The following NELL2 variants were observed in gnomAD, a reference collection of about 807,000 sequenced individuals.
NELL2 encodes neural EGFL like 2, also known as protein kinase C-binding protein NELL2.
NELL2 carries 41 observed loss-of-function variants against 109.6 expected under a neutral mutation model. The observed-to-expected ratio is 0.37, with a 90% CI of 0.29 to 0.49. NELL2 has a LOEUF of 0.49. Among genes scored for constraint, NELL2 ranks in the 20% least tolerant of loss-of-function variants. NELL2 has a pLI of 0.98. For synonymous variants in NELL2, 355 were observed against 344.7 expected (o/e 1.03, Z -0.33); for missense variants, 900 against 1,008.3 (o/e 0.89, Z 1.45).
intron 9 of NELL2, among the ~76,000 whole-genome samples, chr12:44,763,625 C>T (rs1166459332): frequency 3.3e-5 from 5 of 152,168 alleles, no homozygotes; most frequent in Non-Finnish European, 5.9e-5. Context: ...CCAGGGCCAT[C>T]TGCAAACACT....
At chr12:44,581,663 A>G in intron 15 of NELL2, among the ~76,000 whole-genome samples, 1 of 44,574 alleles carries the variant, frequency 2.2e-5, no homozygotes, top group African/African-American at 1.5e-4. Flanking sequence ...GAAAAAATTC[A>G]GTTTGTTTTG....
upstream of NELL2, chr12:44,881,099 C>A (rs1292276944): frequency 2.0e-5 from 3 of 151,946 alleles, no homozygotes; most frequent in African/African-American, 7.3e-5. Context: ...AAGTCAAAAT[C>A]TTCTGTCTAA....
intron 15 of NELL2, among the ~76,000 whole-genome samples, chr12:44,594,217 C>A (rs545281445): frequency 5.2e-4 from 79 of 152,052 alleles, no homozygotes; most frequent in African/African-American, 1.9e-3. Flanking sequence ...TGCAGCAAAC[C>A]ACCATGGCAT....
chr12:44,629,538 A>G (rs889775407), intron 13 of NELL2, among the ~76,000 whole-genome samples: 1 of 152,226 alleles, frequency 6.6e-6, no homozygotes, highest in Non-Finnish European at 1.5e-5. Context: ...CTATCCTTAC[A>G]GTCATATCTA....
chr12:44,884,793 C>T (rs181836653), intron 1 of NELL2, among the ~76,000 whole-genome samples: 46 of 152,010 alleles, frequency 3.0e-4, no homozygotes, highest in African/African-American at 1.1e-3. Flanking sequence ...GAAGGAAAAA[C>T]GTGATTATAT....
chr12:44,913,710 G>GA, intron 1 of NELL2: 1 of 513,260 alleles, frequency 1.9e-6, no homozygotes, highest in Non-Finnish European at 3.4e-6. Flanking sequence ...ACAGCTGTTT[G>GA]AAAATTCAGG....
chr12:44,811,641 C>G (rs1431041010), intron 3 of NELL2, among the ~76,000 whole-genome samples: 1 of 152,054 alleles, frequency 6.6e-6, no homozygotes, highest in Admixed American at 6.6e-5. Context: ...TTCCCACAGT[C>G]TCCATCAGTT....
intron 12 of NELL2, among the ~76,000 whole-genome samples, chr12:44,679,480 C>T (rs1592319427): frequency 6.6e-6 from 1 of 152,104 alleles, no homozygotes; most frequent in Non-Finnish European, 1.5e-5. Flanking sequence ...TTTTATAACA[C>T]TTTGCTTTGT....
chr12:44,673,894 C>T (rs1442847366), intron 12 of NELL2, among the ~76,000 whole-genome samples: 6 of 151,986 alleles, frequency 3.9e-5, no homozygotes, highest in Non-Finnish European at 8.8e-5. Flanking sequence ...CTTCTAAACA[C>T]TCATAATGTA....
chr12:44,710,422 G>T (rs1186559029), intron 11 of NELL2, among the ~76,000 whole-genome samples: 1 of 152,090 alleles, frequency 6.6e-6, no homozygotes, highest in African/African-American at 2.4e-5. Context: ...TAAGGATATA[G>T]AGATGAACAT....
intron 3 of NELL2, among the ~76,000 whole-genome samples, chr12:44,813,264 T>A (rs1943237396): frequency 6.6e-6 from 1 of 152,208 alleles, no homozygotes; most frequent in South Asian, 2.1e-4. Context: ...GCCTGGCACA[T>A]GGTAAGCCTT....
intron 12 of NELL2, among the ~76,000 whole-genome samples, chr12:44,686,896 G>A (rs977685693): frequency 3.3e-5 from 5 of 152,166 alleles, no homozygotes; most frequent in Non-Finnish European, 5.9e-5. Flanking sequence ...CCCAGAGGTG[G>A]AGCCTACAGA....
At chr12:44,745,133 G>T (rs1592447424) in intron 9 of NELL2, among the ~76,000 whole-genome samples, 1 of 152,194 alleles carries the variant, frequency 6.6e-6, no homozygotes, top group African/African-American at 2.4e-5. Context: ...TCCCTGGGAT[G>T]CAAGGCTGGT....
chr12:44,841,073 A>C (rs1353010041), intron 2 of NELL2, among the ~76,000 whole-genome samples: 1 of 152,238 alleles, frequency 6.6e-6, no homozygotes, highest in Non-Finnish European at 1.5e-5. Flanking sequence ...AAAATTCAAC[A>C]GTTTAAAACT....
At chr12:44,569,047 C>T (rs1406121328) in intron 15 of NELL2, among the ~76,000 whole-genome samples, 1 of 152,018 alleles carries the variant, frequency 6.6e-6, no homozygotes, top group Non-Finnish European at 1.5e-5. Context: ...TTCCACCTTC[C>T]AATAGGCCCC....
chr12:44,832,078 C>G (rs1175411775), intron 2 of NELL2, among the ~76,000 whole-genome samples: 1 of 152,118 alleles, frequency 6.6e-6, no homozygotes, highest in Non-Finnish European at 1.5e-5. Flanking sequence ...TTTCAGGCCA[C>G]ATACACCTCT....
chr12:44,890,371 A>G (rs1945520027), intron 1 of NELL2, among the ~76,000 whole-genome samples: 1 of 152,218 alleles, frequency 6.6e-6, no homozygotes, highest in Non-Finnish European at 1.5e-5. Flanking sequence ...ATAGAAAAGC[A>G]TGTAAAGTTC....
chr12:44,842,647 A>G (rs1361330808), intron 2 of NELL2, among the ~76,000 whole-genome samples: 2 of 152,228 alleles, frequency 1.3e-5, no homozygotes, highest in East Asian at 1.9e-4. Flanking sequence ...AAGAAAATAA[A>G]TAAGTGTTCT....
At position 44,525,474 on chromosome 12, in the gene NELL2, G is replaced by C. The variant is rs180872413; in HGVS notation, c.1805-1990C>G. 9.9e-5 allele frequency among the ~76,000 whole-genome samples: 15 copies of C among 152,192 alleles called. No homozygotes were observed. In the East Asian group the frequency reaches 2.7e-3, roughly 27 times the overall value. ...AGGAGTTTGAGTTAGTTTGAACTCAGCTTGCCTTTTCTGCTTATTATCTAC... is the reference window on the plus strand; with the variant it reads ...AGGAGTTTGAGTTAGTTTGAACTCACCTTGCCTTTTCTGCTTATTATCTAC... On this transcript the variant is annotated intron_variant, in intron 16 of 19. Coordinates refer to ENST00000429094, the MANE Select transcript of NELL2 (RefSeq NM_001145108.2).
Sources: gnomAD v4.1 joint callset for allele counts (sites outside exome capture counted in the v4.1 genomes callset) on GRCh38, gnomAD v4.1.1 for gene constraint, MANE v1.5 for transcripts, NCBI Gene and HGNC (gene_info 2026-07-23, HGNC 2026-07-21) for gene names.